TENM3: variants seen among roughly 807,000 people sequenced by gnomAD.
The protein encoded by TENM3 is teneurin transmembrane protein 3.
TENM3 carries 63 observed loss-of-function variants against 255.1 expected under a neutral mutation model. The ratio of observed to expected loss-of-function variants is 0.25; its 90% CI spans 0.20 to 0.30. The LOEUF (loss-of-function observed/expected upper bound fraction) is 0.30. Ranked by LOEUF, TENM3 falls within the 10% of genes least tolerant of loss-of-function variation. The probability of loss-of-function intolerance (pLI) is 1.00; values close to 1 mark genes in which losing one functional copy is unlikely to be tolerated. For synonymous variants in TENM3, 1,306 were observed against 1,322.3 expected (o/e 0.99, Z 0.27); for missense variants, 2,929 against 3,461.1 (o/e 0.85, Z 3.86).
chr4:181,761,148 T>C, the TENM3 span, among the ~76,000 whole-genome samples: 2 of 152,136 alleles, frequency 1.3e-5, no homozygotes, highest in Non-Finnish European at 2.9e-5. Flanking sequence ...TTCACGGTTT[T>C]ATTGATCTTT....
At chr4:182,169,597 A>C (rs1000817405) in intron 1 of TENM3, among the ~76,000 whole-genome samples, 1 of 152,280 alleles carries the variant, frequency 6.6e-6, no homozygotes, top group Middle Eastern at 3.4e-3. Flanking sequence ...TTCCAGTAAT[A>C]ATGAGAAACG....
At chr4:182,177,157 G>A (rs914958756) in intron 1 of TENM3, among the ~76,000 whole-genome samples, 3 of 152,090 alleles carry the variant, frequency 2.0e-5, no homozygotes, top group African/African-American at 7.2e-5. Context: ...CTGGTGCTCA[G>A]GTGGTGCTTA....
At chr4:182,600,420 T>TCTA (rs1747714062) in intron 3 of TENM3, among the ~76,000 whole-genome samples, 2 of 152,212 alleles carry the variant, frequency 1.3e-5, no homozygotes, top group African/African-American at 4.8e-5. Context: ...ACAAGAGTAG[T>TCTA]CTACTGCTGT....
intron 1 of TENM3, among the ~76,000 whole-genome samples, chr4:182,195,535 G>T (rs1753789631): frequency 6.6e-6 from 1 of 152,054 alleles, no homozygotes; most frequent in Non-Finnish European, 1.5e-5. Context: ...AGCTGCTCTG[G>T]AGCCTGAGGT....
At chr4:181,790,912 C>CT in the TENM3 span, among the ~76,000 whole-genome samples, 1 of 152,196 alleles carries the variant, frequency 6.6e-6, no homozygotes, top group East Asian at 1.9e-4. Flanking sequence ...AGATCCCCTA[C>CT]TTAGTCCTAG....
chr4:181,491,754 T>G, the TENM3 span, among the ~76,000 whole-genome samples: 1 of 152,150 alleles, frequency 6.6e-6, no homozygotes, highest in South Asian at 2.1e-4. Context: ...TTATTCTATG[T>G]ATGATTTTGC....
chr4:182,132,892 T>G, the TENM3 span, among the ~76,000 whole-genome samples: 1 of 152,216 alleles, frequency 6.6e-6, no homozygotes, highest in Non-Finnish European at 1.5e-5. Context: ...TTACTTACTT[T>G]TCAATGTACT....
At chr4:182,221,767 A>G (rs1755863362) in intron 1 of TENM3, among the ~76,000 whole-genome samples, 1 of 152,246 alleles carries the variant, frequency 6.6e-6, no homozygotes. Flanking sequence ...ATTTGATGTC[A>G]TATAGACCCA....
At chr4:182,053,484 C>G in the TENM3 span, among the ~76,000 whole-genome samples, 2,661 of 152,318 alleles carry the variant, frequency 0.017, 30 homozygotes, top group Non-Finnish European at 0.029. Flanking sequence ...CATTCTCATA[C>G]TGCCTCTTGG....
intron 3 of TENM3, among the ~76,000 whole-genome samples, chr4:182,579,751 G>T (rs775914434): frequency 6.6e-6 from 1 of 152,044 alleles, no homozygotes; most frequent in East Asian, 1.9e-4. Flanking sequence ...ATCATATTTT[G>T]CAGTGAACCT....
At chr4:182,008,758 C>T in the TENM3 span, among the ~76,000 whole-genome samples, 1 of 152,026 alleles carries the variant, frequency 6.6e-6, no homozygotes, top group African/African-American at 2.4e-5. Context: ...AGTTCTGCGC[C>T]CTTGATGGAG....
the TENM3 span, among the ~76,000 whole-genome samples, chr4:182,086,518 G>C: frequency 1.3e-5 from 2 of 152,210 alleles, no homozygotes; most frequent in Admixed American, 1.3e-4. Flanking sequence ...GATAGAAGAA[G>C]AGAAATGGAG....
chr4:181,956,859 A>C, the TENM3 span, among the ~76,000 whole-genome samples: 1 of 152,182 alleles, frequency 6.6e-6, no homozygotes, highest in Non-Finnish European at 1.5e-5. Context: ...ACGGGCAACA[A>C]ATATTTATTA....
the TENM3 span, among the ~76,000 whole-genome samples, chr4:181,481,183 C>T: frequency 6.6e-6 from 1 of 151,402 alleles, no homozygotes; most frequent in Non-Finnish European, 1.5e-5. Flanking sequence ...ATTGCTTTTG[C>T]TCAAATATCA....
the TENM3 span, among the ~76,000 whole-genome samples, chr4:181,577,118 A>G: frequency 1.5e-5 from 2 of 134,524 alleles, no homozygotes; most frequent in African/African-American, 5.5e-5. Flanking sequence ...ATATAATAAT[A>G]AATTATGTGT....
the TENM3 span, among the ~76,000 whole-genome samples, chr4:181,884,421 T>C: frequency 6.6e-6 from 1 of 152,140 alleles, no homozygotes; most frequent in Non-Finnish European, 1.5e-5. Context: ...ATTTTCATCA[T>C]CCCAGATGGA....
chr4:181,645,954 G>C, the TENM3 span, among the ~76,000 whole-genome samples: 1,015 of 152,358 alleles, frequency 6.7e-3, 14 homozygotes, highest in African/African-American at 0.023. Context: ...TGGCCTGGGT[G>C]CTGCCCACAT....
At chr4:182,210,857 G>A (rs917113875) in intron 1 of TENM3, among the ~76,000 whole-genome samples, 7 of 152,030 alleles carry the variant, frequency 4.6e-5, no homozygotes, top group African/African-American at 1.4e-4. Flanking sequence ...CCCTCTCTCC[G>A]TAGACCGGTG....
chr4:182,006,893 C>T, the TENM3 span, among the ~76,000 whole-genome samples: 2 of 152,108 alleles, frequency 1.3e-5, no homozygotes, highest in African/African-American at 4.8e-5. Context: ...CTTAATACTG[C>T]TTTAGCTGTG....
Sources: allele counts gnomAD v4.1 joint callset (sites outside exome capture counted in the v4.1 genomes callset), GRCh38; gene constraint gnomAD v4.1.1; transcripts MANE v1.5; gene names NCBI Gene and HGNC (gene_info 2026-07-23, HGNC 2026-07-21).